ZZEF1: variants seen among roughly 807,000 people sequenced by gnomAD.
ZZEF1 encodes the protein zinc finger ZZ-type and EF-hand domain containing 1.
In ZZEF1, 157 loss-of-function variants were observed where a neutral mutation model predicts 342.8. That is an observed-to-expected ratio of 0.46 (90% CI 0.40 to 0.52). The LOEUF (loss-of-function observed/expected upper bound fraction) is 0.52, where lower values mean the gene tolerates loss of function less well. ZZEF1 is among the 20% of genes least tolerant of loss of function. The probability of loss-of-function intolerance (pLI) is 0.00; values close to 1 mark genes in which losing one functional copy is unlikely to be tolerated. For synonymous variants in ZZEF1, 1,505 were observed against 1,429.1 expected (o/e 1.05, Z -1.20); for missense variants, 3,480 against 3,725.6 (o/e 0.93, Z 1.72).
At chr17:4,040,760 T>C (rs888902324) in intron 39 of ZZEF1, among the ~76,000 whole-genome samples, 5 of 152,124 alleles carry the variant, frequency 3.3e-5, no homozygotes, top group Non-Finnish European at 7.4e-5. Flanking sequence ...GTTAACCAGG[T>C]CATCCCATCA....
Position 4,050,854 on chromosome 17 carries a change from G to A in ZZEF1, c.5790C>T (p.Ser1930=), listed in dbSNP as rs768207157. ...DGEKLDPQTR[S]SATTLRSQCM... is the part of the protein sequence containing the mutation. ...ACTGGCTCCGCAGGGTGGTGGCACTGCTGCGCGTCTGGGGGTCCAGCTTCT... is the reference window on the plus strand; with the variant it reads ...ACTGGCTCCGCAGGGTGGTGGCACTACTGCGCGTCTGGGGGTCCAGCTTCT... Residue 1930 remains serine, a synonymous_variant, in exon 36 of 55, where the codon AGC becomes AGT. Transcript: ENST00000381638. 3.8e-5 allele frequency: 61 copies of A among 1,614,076 alleles called. No homozygotes were observed. The Admixed American group carries it at 4.2e-4, about 11-fold the overall frequency.
rs1174310452 is a variant in ZZEF1, at chr17:4,014,608, G to C, written c.8146-93C>G. The C allele has an allele frequency of 2.9e-6, 4 of 1,377,376 alleles. No homozygotes were observed. The highest frequency in any genetic ancestry group is 4.1e-6 in the Non-Finnish European group (4 of 982,434). The allele number at this position is 1,377,376 out of a possible 1,614,324, so 85.3% of individuals were successfully genotyped here. ...TGCCGAGTCCTGTGGCTGGACCCGGGTGTGTGAGAATGAGTGAACCACAGC... is the reference window on the plus strand; with the variant it reads ...TGCCGAGTCCTGTGGCTGGACCCGGCTGTGTGAGAATGAGTGAACCACAGC... On this transcript the variant is annotated intron_variant, in intron 49 of 54. Coordinates refer to ENST00000381638, the MANE Select transcript of ZZEF1 (RefSeq NM_015113.4). The surrounding 1 kb of genome is among the most constrained non-coding windows in gnomAD (Gnocchi z 4.4).
Position 4,065,635 on chromosome 17 carries a change from G to A in ZZEF1, c.4250-806C>T, listed in dbSNP as rs375146883. Among the ~76,000 whole-genome samples the A allele has an allele frequency of 3.9e-5, 6 of 152,000 alleles. No individual in the cohort carries two copies. The South Asian group carries it at 1.0e-3, about 26-fold the overall frequency. ...TCAGCTTCCGTCATTATTAACTCACGGCCAATCTTGTTTCACCCCCATCAA... is the reference window on the plus strand; with the variant it reads ...TCAGCTTCCGTCATTATTAACTCACAGCCAATCTTGTTTCACCCCCATCAA... On this transcript the variant is annotated intron_variant, in intron 28 of 54. Transcript: ENST00000381638.
chr17:4,005,211 TGAA>T lies in ZZEF1; in HGVS notation c.*1676_*1678del. On this transcript the variant is annotated 3_prime_UTR_variant, in exon 55 of 55. Coordinates refer to ENST00000381638, the MANE Select transcript of ZZEF1 (RefSeq NM_015113.4). ...GGGAGGCCTCCTCGGGTCTGAGGGA[TGAA>T]GAAGGTGGGGCCTTCTCTGGGGTGG... 1 of 152,558 alleles carries T rather than the reference TGAA, an allele frequency of 6.6e-6. No homozygotes were observed. The highest frequency in any genetic ancestry group is 6.5e-5 in the Admixed American group (1 of 15,300). The allele number at this position is 152,558 out of a possible 1,614,324, so 9.5% of individuals were successfully genotyped here. A position where few individuals can be genotyped will look rare whatever the true frequency, so the allele number is the denominator to read the frequency against.
At chr17:4,036,350 T>A (rs2056663182) in intron 39 of ZZEF1, among the ~76,000 whole-genome samples, 1 of 152,178 alleles carries the variant, frequency 6.6e-6, no homozygotes, top group Admixed American at 6.5e-5. Context: ...TAGACTCCGC[T>A]AGAATTCCAG....
intron 46 of ZZEF1, among the ~76,000 whole-genome samples, chr17:4,018,429 T>C (rs901391682): frequency 6.6e-6 from 1 of 150,424 alleles, no homozygotes; most frequent in Non-Finnish European, 1.5e-5. Flanking sequence ...CTTCTCTCCT[T>C]TTTTTTTTAA....
chr17:4,048,726 T>G (rs1196332116), intron 37 of ZZEF1, among the ~76,000 whole-genome samples: 3 of 151,860 alleles, frequency 2.0e-5, no homozygotes, highest in Non-Finnish European at 4.4e-5. Flanking sequence ...TTTTTGGTTG[T>G]TTTTTTTGAG....
chr17:4,132,088 G>C (rs936021427), intron 1 of ZZEF1, among the ~76,000 whole-genome samples: 1 of 152,184 alleles, frequency 6.6e-6, no homozygotes, highest in African/African-American at 2.4e-5. Flanking sequence ...AATTGTTCTT[G>C]GGGAATGAGA....
At chr17:4,067,267 A>G in intron 26 of ZZEF1, 25 bp from the exon 27 acceptor site, 1 of 1,595,586 alleles carries the variant, frequency 6.3e-7, no homozygotes, top group South Asian at 1.1e-5. Context: ...AGAGATGGAG[A>G]TTACATTCAG....
chr17:4,070,090 C>G (rs1270435649), intron 26 of ZZEF1, among the ~76,000 whole-genome samples: 2 of 152,018 alleles, frequency 1.3e-5, no homozygotes, highest in Admixed American at 1.3e-4. Flanking sequence ...GATGGCATCC[C>G]TAAGAGACAT....
In ZZEF1 at chr17:4,006,512, G is replaced by C. The variant is rs1257058733; in HGVS notation, c.*378C>G. 5 of 270,212 alleles carry C rather than the reference G, an allele frequency of 1.9e-5. No individual in the cohort carries two copies. Among genetic ancestry groups the C allele is most frequent in the East Asian group, 1.3e-4 (1 of 7,910 alleles). 16.7% of individuals were successfully genotyped at this position (270,212 alleles called of 1,614,324 possible). On this transcript the variant is annotated 3_prime_UTR_variant, in exon 55 of 55. Coordinates refer to ENST00000381638, the MANE Select transcript of ZZEF1 (RefSeq NM_015113.4). ...GGGTGGACTGTGCCTCCCTCTGAAG[G>C]CAAGTGCAGGCAGTTCCAGCTCCAC...
chr17:4,078,178 A>G (rs761551840), intron 18 of ZZEF1, 136 bp from the exon 19 acceptor site: 80 of 861,702 alleles, frequency 9.3e-5, no homozygotes, highest in Non-Finnish European at 1.3e-4. Context: ...AACAGCTTTC[A>G]ACCCAGCAGT....
intron 11 of ZZEF1, among the ~76,000 whole-genome samples, chr17:4,092,734 A>T (rs2057967907): frequency 3.9e-5 from 6 of 152,202 alleles, no homozygotes; most frequent in Admixed American, 3.9e-4. Context: ...TCATAAGCTT[A>T]AAGATTTTTT....
intron 43 of ZZEF1, 140 bp from the exon 44 acceptor site, chr17:4,022,968 C>A: frequency 3.4e-6 from 4 of 1,174,416 alleles, no homozygotes; most frequent in Middle Eastern, 2.5e-4. Context: ...TATTTTATGT[C>A]ACACTCCCCT....
rs148159815 is a variant in ZZEF1, at chr17:4,085,711, G to A, written c.2605C>T (p.Pro869Ser). 587 of 1,614,052 alleles carry A rather than the reference G, an allele frequency of 3.6e-4. No homozygotes were observed. Among genetic ancestry groups the A allele is most frequent in the Non-Finnish European group, 4.7e-4 (557 of 1,180,012 alleles). The change falls in exon 16 of 55, where the codon CCT becomes TCT. Residue 869 changes from proline to serine, a missense_variant. Physicochemically the swap from Pro to Ser is moderately conservative, Grantham distance 74 (BLOSUM62 -1). Transcript: ENST00000381638. ...TLLNGAAIFF[P>S]NRQTRRNHLF... Reference sequence around the variant, plus strand: ...TGGTTCCGTCGGGTCTGTCGATTAGGAAAGAAGATGGCAGCCCCATTGAGA... The same window carrying A: ...TGGTTCCGTCGGGTCTGTCGATTAGAAAAGAAGATGGCAGCCCCATTGAGA...
intron 23 of ZZEF1, 149 bp from the exon 24 acceptor site, chr17:4,074,500 G>A (rs1178195135): frequency 3.6e-6 from 3 of 829,190 alleles, no homozygotes; most frequent in Non-Finnish European, 5.8e-6. Context: ...ATGTACAAAG[G>A]GGTGACGGAA....
At position 4,019,809 on chromosome 17, in the gene ZZEF1, G is replaced by C. The variant is rs377686799; in HGVS notation, c.7405-40C>G. On this transcript the variant is annotated intron_variant, in intron 45 of 54. Coordinates refer to ENST00000381638, the MANE Select transcript of ZZEF1 (RefSeq NM_015113.4). ...AGGACGCAGACAAGAACCATTAACA[G>C]TGCTTCAATACGGTATTGATCAACT... 569 of 1,489,994 alleles carry C rather than the reference G, an allele frequency of 3.8e-4. 1 individual carries two copies. Among genetic ancestry groups the C allele is most frequent in the Non-Finnish European group, 5.0e-4 (546 of 1,086,328 alleles). 92.3% of individuals were successfully genotyped at this position (1,489,994 alleles called of 1,614,324 possible).
chr17:4,091,198 G>A (rs2057936807), intron 11 of ZZEF1, among the ~76,000 whole-genome samples: 2 of 152,166 alleles, frequency 1.3e-5, no homozygotes, highest in Non-Finnish European at 2.9e-5. Flanking sequence ...GGCAGGCTTG[G>A]TTTTCTTTCC....
intron 42 of ZZEF1, among the ~76,000 whole-genome samples, chr17:4,031,136 A>G (rs558108115): frequency 6.6e-6 from 1 of 152,156 alleles, no homozygotes; most frequent in Admixed American, 6.6e-5. Context: ...CCAATAGGGT[A>G]AAATCTCATC....
Sources: allele counts gnomAD v4.1 joint callset (sites outside exome capture counted in the v4.1 genomes callset), GRCh38; gene constraint gnomAD v4.1.1; non-coding constraint Gnocchi (gnomAD v3.1); transcripts MANE v1.5; gene names NCBI Gene and HGNC (gene_info 2026-07-23, HGNC 2026-07-21).